PPP2R3B: variants seen among roughly 807,000 people sequenced by gnomAD.
PPP2R3B encodes the protein serine/threonine-protein phosphatase 2A regulatory subunit B'' subunit beta.
A neutral mutation model predicts 72.9 loss-of-function variants in PPP2R3B; 68 were observed. That is an observed-to-expected ratio of 0.93 (90% CI 0.77 to 1.14). The LOEUF is 1.14. PPP2R3B is among the 50% of genes most tolerant of loss of function. The pLI, the probability that PPP2R3B is intolerant of heterozygous loss-of-function variation, is 0.00. For synonymous variants in PPP2R3B, 466 were observed against 375.8 expected, an observed-to-expected ratio of 1.24 and a Z score of -2.78; for missense variants, 1,018 against 842.0, an observed-to-expected ratio of 1.21 and a Z score of -2.59.
chrX:358,225 C>A (rs1182159928), intron 2 of PPP2R3B, among the ~76,000 whole-genome samples: 53 of 124,670 alleles, frequency 4.3e-4, no homozygotes, highest in Non-Finnish European at 2.7e-4. Flanking sequence ...CAGGTGGCGG[C>A]GAGCTGGGCG....
At chrX:367,101 A>G (rs2071735430) in intron 1 of PPP2R3B, among the ~76,000 whole-genome samples, 2 of 152,128 alleles carry the variant, frequency 1.3e-5, no homozygotes, top group Admixed American at 1.3e-4. Flanking sequence ...CCATTAACAG[A>G]CACTCTACGG....
At chrX:367,700 C>T (rs1243210340) in intron 1 of PPP2R3B, among the ~76,000 whole-genome samples, 6 of 152,204 alleles carry the variant, frequency 3.9e-5, no homozygotes, top group African/African-American at 1.4e-4. Flanking sequence ...CACGGATGAG[C>T]AGGCAACATC....
rs76208686 is a variant in PPP2R3B at position 363,527 on chromosome X, G to A, written c.325-1937C>T. Among the ~76,000 whole-genome samples the A allele has an allele frequency of 5.8e-3, 341 of 58,654 alleles. 6 individuals are homozygous for A. The highest frequency in any genetic ancestry group is 9.0e-3 in the Non-Finnish European group (238 of 26,568). 38.5% of individuals were successfully genotyped at this position (58,654 alleles called of 152,430 possible). A position where few individuals can be genotyped will look rare whatever the true frequency, so the allele number is the denominator to read the frequency against. ...ATCTCCCCGAGCCCGCGATCCCGCA[G>A]TGCATCTCCCCGAGCCCGCGATCCC... is the stretch of plus-strand genomic sequence containing the variant. On this transcript the variant is annotated intron_variant, in intron 1 of 12. Coordinates refer to ENST00000390665, the MANE Select transcript of PPP2R3B (RefSeq NM_013239.5).
In PPP2R3B at chrX:340,848, C is replaced by T; in HGVS notation, c.1268G>A (p.Arg423Lys). 1 of 1,612,072 alleles carries T rather than the reference C, an allele frequency of 6.2e-7. No homozygotes were observed. The highest frequency in any genetic ancestry group is 8.5e-7 in the Non-Finnish European group (1 of 1,179,698). The stretch of plus-strand genomic sequence containing the variant: ...GGCCTCGATGGCCATGCTGTCCAGC[C>T]TTCGGCACTGCTCCTCGTAGAAGTA... ...LEYFYEEQCR[R>K]LDSMAIEALP... Residue 423 changes from arginine (R) to lysine (K), a missense_variant, in exon 10 of 13, where the codon AGG (arginine) becomes AAG (lysine). Arg to Lys is a conservative substitution (Grantham distance 26). Coordinates refer to ENST00000390665, the MANE Select transcript of PPP2R3B (RefSeq NM_013239.5).
Position 366,399 on chromosome X carries a change from G to A in PPP2R3B, c.325-4809C>T, listed in dbSNP as rs761930008. Among the ~76,000 whole-genome samples the A allele has an allele frequency of 3.5e-4, 2 of 5,764 alleles. 1 individual carries two copies. The highest frequency in any genetic ancestry group is 5.3e-4 in the Non-Finnish European group (2 of 3,750). The allele number at this position is 5,764 out of a possible 152,430, so 3.8% of individuals were successfully genotyped here. A position where few individuals can be genotyped will look rare whatever the true frequency, so the allele number is the denominator to read the frequency against. On this transcript the variant is annotated intron_variant, in intron 1 of 12. Transcript: ENST00000390665. ...AAACAAACGATTAACCAGGTGTGGTGGAGGGTGCCTGTACTCCCAGCTACT... is the reference window on the plus strand; with the variant it reads ...AAACAAACGATTAACCAGGTGTGGTAGAGGGTGCCTGTACTCCCAGCTACT...
intron 7 of PPP2R3B, chrX:345,306 C>A (rs1187056976): frequency 2.6e-6 from 2 of 758,830 alleles, no homozygotes; most frequent in East Asian, 2.7e-5. Context: ...GCAGAGGCCT[C>A]GGGCAGAGGC....
intron 9 of PPP2R3B, 134 bp from the exon 10 acceptor site, chrX:341,074 T>A (rs1329648824): frequency 1.5e-6 from 2 of 1,301,968 alleles, no homozygotes; most frequent in East Asian, 4.9e-5. Context: ...CGTGCAGGCA[T>A]CCCCTGCCCC....
chrX:360,344 G>T (rs1307597439), intron 2 of PPP2R3B, among the ~76,000 whole-genome samples: 1 of 152,160 alleles, frequency 6.6e-6, no homozygotes, highest in East Asian at 1.9e-4. Flanking sequence ...GACCAGCCTG[G>T]CCAATATGGT....
In PPP2R3B at chrX:338,525, TCCTCCCACTCACCC is replaced by T. The variant is rs2070953014; in HGVS notation, c.1577+65_1577+78del. On this transcript the variant is annotated intron_variant, in intron 12 of 12. Coordinates refer to ENST00000390665, the MANE Select transcript of PPP2R3B (RefSeq NM_013239.5). ...CATCCCCCGGCTGCACACACACCCG[TCCTCCCACTCACCC>T]GTCCTCCCCACTCACCCGTCCTCCC... 4 of 396,888 alleles carry T rather than the reference TCCTCCCACTCACCC, an allele frequency of 1.0e-5. No individual in the cohort carries two copies. In the East Asian group the frequency reaches 2.3e-4, roughly 23 times the overall value. 24.6% of individuals were successfully genotyped at this position (396,888 alleles called of 1,614,324 possible). A position where few individuals can be genotyped will look rare whatever the true frequency, so the allele number is the denominator to read the frequency against.
intron 1 of PPP2R3B, among the ~76,000 whole-genome samples, chrX:370,378 C>T (rs993660983): frequency 3.9e-5 from 6 of 152,190 alleles, no homozygotes; most frequent in African/African-American, 1.4e-4. Context: ...TGCACCCACA[C>T]CTGCAGCCCA....
rs2070817082 is a variant in PPP2R3B, at chrX:334,087, G to GA, written c.*279_*280insT. 1 of 343,188 alleles carries GA rather than the reference G, an allele frequency of 2.9e-6. No individual in the cohort carries two copies. Among genetic ancestry groups the GA allele is most frequent in the Non-Finnish European group, 5.2e-6 (1 of 190,952 alleles). 21.3% of individuals were successfully genotyped at this position (343,188 alleles called of 1,614,324 possible). On this transcript the variant is annotated 3_prime_UTR_variant, in exon 13 of 13. Coordinates refer to ENST00000390665, the MANE Select transcript of PPP2R3B (RefSeq NM_013239.5). ...ACACGGACCCTTTCCACAGACGCAG[G>GA]CCCCGGAACCCAGGCTGGGTCGGGA...
Position 340,912 on chromosome X carries a change from G to C in PPP2R3B, c.1204C>G (p.Leu402Val). 6.2e-7 allele frequency: 1 copy of C among 1,611,846 alleles called. No homozygotes were observed. The highest frequency in any genetic ancestry group is 8.5e-7 in the Non-Finnish European group (1 of 1,179,624). Residue 402 changes from leucine to valine, a missense_variant, in exon 10 of 13, where the codon CTG becomes GTG. By Grantham distance (32) the Leu-to-Val change is conservative. Transcript: ENST00000390665. ...ATGGACAGGGCGCCGTCCCCGTCCA[G>C]GTCCATGCAGCGGAACCAGTACTCG... is the stretch of plus-strand genomic sequence containing the variant. ...SIEYWFRCMDLDGDGALSMFE... is the reference protein window; with the variant it reads ...SIEYWFRCMDVDGDGALSMFE...
intron 2 of PPP2R3B, among the ~76,000 whole-genome samples, chrX:348,954 C>A (rs1378519806): frequency 6.6e-6 from 1 of 152,080 alleles, no homozygotes; most frequent in Non-Finnish European, 1.5e-5. Context: ...AAGTCACAGG[C>A]CAGTTATCAC....
intron 6 of PPP2R3B, among the ~76,000 whole-genome samples, chrX:345,918 G>T (rs1207433010): frequency 6.8e-6 from 1 of 147,230 alleles, no homozygotes; most frequent in Non-Finnish European, 1.5e-5. Context: ...TCAGGGCTCG[G>T]CTCCCCCTCA....
intron 1 of PPP2R3B, among the ~76,000 whole-genome samples, chrX:371,798 C>T (rs1459837873): frequency 2.1e-5 from 3 of 146,020 alleles, no homozygotes; most frequent in African/African-American, 5.1e-5. Flanking sequence ...CAGGAAACGT[C>T]CCCTTCTCCC....
intron 12 of PPP2R3B, chrX:337,066 A>T (rs1189196033): frequency 6.8e-6 from 1 of 147,886 alleles, no homozygotes; most frequent in Non-Finnish European, 1.5e-5. Context: ...GGGATTACAG[A>T]CGTGTGCCAC....
At chrX:364,524 A>AG (rs1485974434) in intron 1 of PPP2R3B, among the ~76,000 whole-genome samples, 1 of 146,052 alleles carries the variant, frequency 6.8e-6, no homozygotes, top group Admixed American at 6.8e-5. Flanking sequence ...AAAAAAACAA[A>AG]AAAAAAAAAA....
chrX:349,563 G>A (rs1298160821), intron 2 of PPP2R3B, among the ~76,000 whole-genome samples: 1 of 152,234 alleles, frequency 6.6e-6, no homozygotes, highest in African/African-American at 2.4e-5. Context: ...CGACGGGTAA[G>A]AAGAGGCAGA....
At chrX:334,627 C>T (rs1569370165) in intron 12 of PPP2R3B, 110 bp from the exon 13 acceptor site, 1 of 1,228,470 alleles carries the variant, frequency 8.1e-7, no homozygotes, top group African/African-American at 1.6e-5. Context: ...GAGACAGTCC[C>T]CTGAGCCGAC....
Sources: gnomAD v4.1 joint callset for allele counts (sites outside exome capture counted in the v4.1 genomes callset) on GRCh38, gnomAD v4.1.1 for gene constraint, MANE v1.5 for transcripts, NCBI Gene and HGNC (gene_info 2026-07-23, HGNC 2026-07-21) for gene names.